The following CCDC7 variants were observed in gnomAD, a reference collection of about 807,000 sequenced individuals.
CCDC7 encodes the protein coiled-coil domain containing 7, also known as coiled-coil domain-containing protein 7.
Under a neutral mutation model 196.9 loss-of-function variants are expected in CCDC7, and 183 were observed. That is an observed-to-expected ratio of 0.93 (90% CI 0.82 to 1.05). The LOEUF (loss-of-function observed/expected upper bound fraction) is 1.05. CCDC7 is among the 50% of genes least tolerant of loss of function. The pLI, the probability that CCDC7 is intolerant of heterozygous loss-of-function variation, is 0.00. For synonymous variants in CCDC7, 525 were observed against 484.6 expected (o/e 1.08, Z -1.10); for missense variants, 1,540 against 1,482.2 (o/e 1.04, Z -0.64).
At chr10:32,824,246 G>A (rs1399444702) in intron 31 of CCDC7, among the ~76,000 whole-genome samples, 15 of 152,060 alleles carry the variant, frequency 9.9e-5, no homozygotes, top group Non-Finnish European at 1.5e-5. Context: ...AAATAAGGTA[G>A]CATAAGTCTG....
chr10:32,523,716 T>G (rs929296956), intron 11 of CCDC7, among the ~76,000 whole-genome samples: 1 of 150,186 alleles, frequency 6.7e-6, no homozygotes, highest in Non-Finnish European at 1.5e-5. Context: ...GACCTCTTTG[T>G]CATTATATAA....
intron 20 of CCDC7, among the ~76,000 whole-genome samples, chr10:32,652,931 G>C (rs2069044109): frequency 6.6e-6 from 1 of 152,136 alleles, no homozygotes; most frequent in Non-Finnish European, 1.5e-5. Context: ...TTAAACATTA[G>C]AATCCTTTGC....
chr10:32,817,561 G>GA, intron 31 of CCDC7, among the ~76,000 whole-genome samples: 1 of 152,152 alleles, frequency 6.6e-6, no homozygotes, highest in Non-Finnish European at 1.5e-5. Context: ...TGAAATGAAG[G>GA]AAAAAATGTT....
At position 32,845,603 on chromosome 10, in the gene CCDC7, C is replaced by T. The variant is rs181757977; in HGVS notation, c.3497C>T (p.Thr1166Met). 10 of 1,612,166 alleles carry T rather than the reference C, an allele frequency of 6.2e-6. No homozygotes were observed. In the African/African-American group the frequency reaches 1.1e-4, roughly 17 times the overall value. Residue 1166 changes from threonine (T) to methionine (M), a missense_variant, in exon 35 of 42, where the codon ACG (threonine) becomes ATG (methionine). Transcript: ENST00000639629. ...AGAGGTCTAATGAAGGAGTCAACCACGACACAATTAAAAAGTCACCCAGGT... is the reference window on the plus strand; with the variant it reads ...AGAGGTCTAATGAAGGAGTCAACCATGACACAATTAAAAAGTCACCCAGGT...
chr10:32,677,705 A>T (rs1363213465), intron 21 of CCDC7, among the ~76,000 whole-genome samples: 1 of 152,024 alleles, frequency 6.6e-6, no homozygotes, highest in South Asian at 2.1e-4. Flanking sequence ...GATTCAACCT[A>T]TTTAGGATCC....
At chr10:32,738,404 A>G (rs1161261369) in intron 28 of CCDC7, among the ~76,000 whole-genome samples, 1 of 151,292 alleles carries the variant, frequency 6.6e-6, no homozygotes, top group Non-Finnish European at 1.5e-5. Flanking sequence ...CATTGTTACC[A>G]TTATTATTAT....
chr10:32,763,524 C>G (rs1002806204), intron 28 of CCDC7, among the ~76,000 whole-genome samples: 1 of 151,942 alleles, frequency 6.6e-6, no homozygotes, highest in African/African-American at 2.4e-5. Flanking sequence ...GTAAAGATAT[C>G]TGCATCCCCG....
At chr10:32,858,043 C>T (rs1264367672) in intron 41 of CCDC7, among the ~76,000 whole-genome samples, 1 of 132,232 alleles carries the variant, frequency 7.6e-6, no homozygotes, top group African/African-American at 2.5e-5. Context: ...TGAATAAATT[C>T]CTCAAAAAAT....
At chr10:32,801,166 G>T (rs1359946371) in intron 29 of CCDC7, among the ~76,000 whole-genome samples, 4 of 152,212 alleles carry the variant, frequency 2.6e-5, no homozygotes, top group Non-Finnish European at 5.9e-5. Flanking sequence ...CTTCAAGGAT[G>T]CAGGTGCTGC....
rs1252575087 is a variant in CCDC7 at position 32,689,177 on chromosome 10, G to A, written c.2344+14G>A. 3.4e-6 allele frequency: 5 copies of A among 1,451,632 alleles called. No individual in the cohort carries two copies. Among genetic ancestry groups the A allele is most frequent in the East Asian group, 2.3e-5 (1 of 42,854 alleles). 89.9% of individuals were successfully genotyped at this position (1,451,632 alleles called of 1,614,324 possible). A position where few individuals can be genotyped will look rare whatever the true frequency, so the allele number is the denominator to read the frequency against. The stretch of plus-strand genomic sequence containing the variant: ...AAAGAATTATTAGTAAGTATAAAAA[G>A]TAAAGATAACTTTAAATTATTTAAA... On this transcript the variant is annotated intron_variant, in intron 23 of 41. Transcript: ENST00000639629.
At chr10:32,616,523 T>C (rs2062787564) in intron 18 of CCDC7, among the ~76,000 whole-genome samples, 1 of 151,802 alleles carries the variant, frequency 6.6e-6, no homozygotes, top group Admixed American at 6.6e-5. Context: ...CCTGAAACTT[T>C]TCCGAATTGA....
chr10:32,791,988 G>A (rs1028550275), intron 29 of CCDC7, among the ~76,000 whole-genome samples: 4 of 152,060 alleles, frequency 2.6e-5, no homozygotes, highest in African/African-American at 7.2e-5. Flanking sequence ...AAGTGACATC[G>A]AGGACATTTC....
At position 32,818,384 on chromosome 10, in the gene CCDC7, T is replaced by G. The variant is rs543224109; in HGVS notation, c.3181+3931T>G. ...AGAGACTTAGACTCCCACACAATAATAATGGGAGACTTTAACACCCCACTG... is the reference window on the plus strand; with the variant it reads ...AGAGACTTAGACTCCCACACAATAAGAATGGGAGACTTTAACACCCCACTG... On this transcript the variant is annotated intron_variant, in intron 31 of 41. Transcript: ENST00000639629. Among the ~76,000 whole-genome samples, 1,098 of 152,192 alleles carry G rather than the reference T, an allele frequency of 7.2e-3. 7 individuals carry two copies. Among genetic ancestry groups the G allele is most frequent in the Non-Finnish European group, 0.012 (803 of 68,002 alleles).
intron 32 of CCDC7, among the ~76,000 whole-genome samples, chr10:32,833,023 T>C (rs756367440): frequency 2.0e-5 from 3 of 152,080 alleles, no homozygotes; most frequent in Non-Finnish European, 4.4e-5. Flanking sequence ...AACCAGAAAC[T>C]ATAAACAAGA....
At chr10:32,739,619 T>C (rs550574092) in intron 28 of CCDC7, among the ~76,000 whole-genome samples, 2 of 152,264 alleles carry the variant, frequency 1.3e-5, no homozygotes, top group Admixed American at 6.5e-5. Flanking sequence ...ATATCTGAGT[T>C]TGATGCTCAT....
chr10:32,771,226 T>C (rs911730601), intron 28 of CCDC7, among the ~76,000 whole-genome samples: 5 of 152,198 alleles, frequency 3.3e-5, no homozygotes, highest in Admixed American at 2.0e-4. Flanking sequence ...TGTTTCAAGG[T>C]TTAGAATTCC....
intron 28 of CCDC7, 64 bp downstream of exon 29, chr10:32,729,521 G>A (rs2083600430): frequency 9.6e-6 from 8 of 835,136 alleles, no homozygotes; most frequent in Non-Finnish European, 1.2e-5. Context: ...TTTGTTTTTG[G>A]TTTATAAATA....
chr10:32,646,085 T>C (rs2067717894), intron 20 of CCDC7, among the ~76,000 whole-genome samples: 1 of 150,530 alleles, frequency 6.6e-6, no homozygotes, highest in African/African-American at 2.4e-5. Flanking sequence ...GGATTGTTCT[T>C]TTTTTTTTAG....
downstream of CCDC7, among the ~76,000 whole-genome samples, chr10:32,881,614 CT>C (rs2094793557): frequency 6.6e-6 from 1 of 152,098 alleles, no homozygotes; most frequent in African/African-American, 2.4e-5. Flanking sequence ...CAGAAAAGGC[CT>C]TTTGATTGCT....
Sources: gnomAD v4.1 joint callset for allele counts (sites outside exome capture counted in the v4.1 genomes callset) on GRCh38, gnomAD v4.1.1 for gene constraint, MANE v1.5 for transcripts, NCBI Gene and HGNC (gene_info 2026-07-23, HGNC 2026-07-21) for gene names.